PIP4K2A: variants seen among roughly 807,000 people sequenced by gnomAD.
PIP4K2A encodes phosphatidylinositol 5-phosphate 4-kinase type-2 alpha.
Under a neutral mutation model 42.9 loss-of-function variants are expected in PIP4K2A, and 14 were observed. The ratio of observed to expected loss-of-function variants is 0.33; its 90% CI spans 0.22 to 0.51. The LOEUF (loss-of-function observed/expected upper bound fraction) is 0.51, where lower values mean the gene tolerates loss of function less well. Ranked by LOEUF, PIP4K2A falls within the 20% of genes least tolerant of loss-of-function variation. The pLI, the probability that PIP4K2A is intolerant of heterozygous loss-of-function variation, is 0.97. For missense variants in PIP4K2A, 434 were observed against 519.8 expected (o/e 0.83, Z 1.61); for synonymous variants, 192 against 192.2 (o/e 1.00, Z 0.01).
chr10:22,655,821 T>C (rs1839088756), intron 1 of PIP4K2A, among the ~76,000 whole-genome samples: 1 of 152,200 alleles, frequency 6.6e-6, no homozygotes. Flanking sequence ...ACCAAATCTG[T>C]GATTTGTGCA....
chr10:22,713,463 G>A (rs138041567), intron 1 of PIP4K2A, among the ~76,000 whole-genome samples: 3,186 of 152,208 alleles, frequency 0.021, 118 homozygotes, highest in African/African-American at 0.073. Context: ...GCGACGAAGG[G>A]AGGAAGACTC....
chr10:22,556,531 G>T (rs1009281635), intron 6 of PIP4K2A, among the ~76,000 whole-genome samples: 2 of 152,040 alleles, frequency 1.3e-5, no homozygotes, highest in African/African-American at 4.8e-5. Flanking sequence ...ATGATTTTAC[G>T]TATCTGGCCA....
chr10:22,607,734 G>T (rs542212581), intron 3 of PIP4K2A, 193 bp downstream of exon 3: 16 of 399,198 alleles, frequency 4.0e-5, no homozygotes, highest in Admixed American at 2.6e-4. Flanking sequence ...TTTTATACCG[G>T]TATCATATGT....
intron 1 of PIP4K2A, among the ~76,000 whole-genome samples, chr10:22,655,442 C>A (rs190825016): frequency 1.7e-3 from 260 of 152,358 alleles, no homozygotes; most frequent in Non-Finnish European, 2.5e-3. Context: ...ACAAGCCTGA[C>A]GCCCCATATT....
At chr10:22,694,563 C>G (rs1839932974) in intron 1 of PIP4K2A, 1 of 152,186 alleles carries the variant, frequency 6.6e-6, no homozygotes, top group Admixed American at 6.5e-5. Context: ...ATACAATTTG[C>G]TCCAAATTTC....
intron 1 of PIP4K2A, among the ~76,000 whole-genome samples, chr10:22,665,484 C>T (rs1301881316): frequency 6.6e-6 from 1 of 152,042 alleles, no homozygotes; most frequent in African/African-American, 2.4e-5. Context: ...CTCTGTCACC[C>T]GTGCTGGAGT....
rs1564448260 is a variant in PIP4K2A at position 22,627,588 on chromosome 10, T to TAAA, written c.145-17872_145-17871insTTT. ...ATTTGTTTAACCAAAAGCTAATATGTAATAAAAAAAAAAAAAAAAAAAAAA... is the reference window on the plus strand; with the variant it reads ...ATTTGTTTAACCAAAAGCTAATATGTAAAAATAAAAAAAAAAAAAAAAAAAAAA... On this transcript the variant is annotated intron_variant, in intron 1 of 9. Transcript: ENST00000376573. Among the ~76,000 whole-genome samples the TAAA allele has an allele frequency of 1.1e-3, 43 of 38,952 alleles. 3 individuals are homozygous for TAAA. The highest frequency in any genetic ancestry group is 1.7e-3 in the Non-Finnish European group (30 of 18,034). The allele number at this position is 38,952 out of a possible 152,430, so 25.6% of individuals were successfully genotyped here.
intron 1 of PIP4K2A, among the ~76,000 whole-genome samples, chr10:22,664,168 CATATAT>C (rs565032217): frequency 3.3e-5 from 1 of 30,228 alleles, no homozygotes; most frequent in African/African-American, 2.1e-4. Flanking sequence ...TATATATATA[CATATAT>C]ATATATACAT....
intron 1 of PIP4K2A, among the ~76,000 whole-genome samples, chr10:22,645,235 T>A (rs1588682508): frequency 6.6e-6 from 1 of 152,182 alleles, no homozygotes; most frequent in African/African-American, 2.4e-5. Context: ...ACCACTAGTG[T>A]GTCTGGTTAG....
At chr10:22,686,553 T>C (rs1200767492) in intron 1 of PIP4K2A, among the ~76,000 whole-genome samples, 2 of 152,210 alleles carry the variant, frequency 1.3e-5, no homozygotes, top group Admixed American at 6.5e-5. Flanking sequence ...CAAAGCTCAA[T>C]GCAGCCTTGA....
At chr10:22,608,439 C>A (rs747500025) in intron 2 of PIP4K2A, among the ~76,000 whole-genome samples, 7 of 152,174 alleles carry the variant, frequency 4.6e-5, no homozygotes, top group Non-Finnish European at 1.0e-4. Flanking sequence ...CCTCACCCCC[C>A]TAAAAGGCCT....
chr10:22,638,712 A>G (rs1020610809), intron 1 of PIP4K2A, among the ~76,000 whole-genome samples: 2 of 152,222 alleles, frequency 1.3e-5, no homozygotes, highest in Non-Finnish European at 2.9e-5. Flanking sequence ...GTTTGATGGA[A>G]AGAAATTCAT....
At chr10:22,643,670 T>G (rs554709205) in intron 1 of PIP4K2A, among the ~76,000 whole-genome samples, 7 of 152,244 alleles carry the variant, frequency 4.6e-5, no homozygotes, top group African/African-American at 1.7e-4. Flanking sequence ...CTTTATCTTT[T>G]CATGCCAGCC....
rs978445112 is a variant in PIP4K2A, at chr10:22,632,013, G to C, written c.145-22296C>G. On this transcript the variant is annotated intron_variant, in intron 1 of 9. Coordinates refer to ENST00000376573, the MANE Select transcript of PIP4K2A (RefSeq NM_005028.5). ...ACAACACTAACGCTCTGGTATTCTC[G>C]TGAAAACTGCATAATGAATGTAATC... Among the ~76,000 whole-genome samples the C allele has an allele frequency of 7.2e-5, 11 of 151,952 alleles. No homozygotes were observed. The South Asian group carries it at 1.7e-3, about 23-fold the overall frequency.
chr10:22,671,392 AT>A (rs1286580795), intron 1 of PIP4K2A, among the ~76,000 whole-genome samples: 1 of 152,168 alleles, frequency 6.6e-6, no homozygotes, highest in African/African-American at 2.4e-5. Flanking sequence ...GCACTTATTA[AT>A]GACTTGCTCT....
At chr10:22,608,093 T>C (rs1837948649) in intron 2 of PIP4K2A, 70 bp from the exon 3 acceptor site, 1 of 986,940 alleles carries the variant, frequency 1.0e-6, no homozygotes, top group South Asian at 1.4e-5. Flanking sequence ...ACCACTGAGT[T>C]CCACAGGTAG....
chr10:22,593,975 T>C (rs1411795271), intron 3 of PIP4K2A, among the ~76,000 whole-genome samples: 1 of 152,216 alleles, frequency 6.6e-6, no homozygotes, highest in African/African-American at 2.4e-5. Context: ...CGTCCTCTCA[T>C]GGGCCAATAG....
intron 4 of PIP4K2A, among the ~76,000 whole-genome samples, chr10:22,584,833 A>G (rs1837356858): frequency 6.6e-6 from 1 of 152,180 alleles, no homozygotes; most frequent in African/African-American, 2.4e-5. Context: ...AGAATATCCA[A>G]GTACTTTCCA....
intron 1 of PIP4K2A, among the ~76,000 whole-genome samples, chr10:22,620,679 C>T (rs1388137035): frequency 1.3e-5 from 2 of 152,236 alleles, no homozygotes. Flanking sequence ...CGGCATCACT[C>T]ATCTGGTGCT....
Sources: allele counts gnomAD v4.1 joint callset (sites outside exome capture counted in the v4.1 genomes callset), GRCh38; gene constraint gnomAD v4.1.1; transcripts MANE v1.5; gene names NCBI Gene and HGNC (gene_info 2026-07-23, HGNC 2026-07-21).